The following KSR2 variants were observed in gnomAD, a reference collection of about 807,000 sequenced individuals.
KSR2 encodes kinase suppressor of ras 2.
KSR2 carries 25 observed loss-of-function variants against 107.8 expected under a neutral mutation model. That is an observed-to-expected ratio of 0.23 (90% CI 0.17 to 0.32). The LOEUF is 0.32. Among genes scored for constraint, KSR2 ranks in the 10% least tolerant of loss-of-function variants. The probability of loss-of-function intolerance (pLI) is 1.00; values close to 1 mark genes in which losing one functional copy is unlikely to be tolerated. For missense variants in KSR2, 887 were observed against 1,268.9 expected (o/e 0.70, Z 4.57); for synonymous variants, 480 against 507.0 (o/e 0.95, Z 0.71).
intron 7 of KSR2, 27 bp downstream of exon 7, chr12:117,579,092 A>C: frequency 6.3e-7 from 1 of 1,578,686 alleles, no homozygotes; most frequent in Non-Finnish European, 8.7e-7. Flanking sequence ...GTGCTGCGAA[A>C]AGTCACTGCA....
At chr12:117,942,432 C>A (rs981899550) in intron 1 of KSR2, among the ~76,000 whole-genome samples, 1 of 152,080 alleles carries the variant, frequency 6.6e-6, no homozygotes, top group Non-Finnish European at 1.5e-5. Flanking sequence ...CTCACTATCT[C>A]CATAAGATGA....
At chr12:117,944,478 G>A (rs190613076) in intron 1 of KSR2, among the ~76,000 whole-genome samples, 186 of 152,188 alleles carry the variant, frequency 1.2e-3, no homozygotes, top group African/African-American at 4.3e-3. Context: ...TATATGTGAC[G>A]TCCAGAAAAT....
chr12:117,940,113 T>C (rs973507747), intron 1 of KSR2, among the ~76,000 whole-genome samples: 38 of 152,212 alleles, frequency 2.5e-4, no homozygotes, highest in African/African-American at 8.9e-4. Context: ...GGCTCGGTCA[T>C]ATTCCCTTAA....
intron 7 of KSR2, among the ~76,000 whole-genome samples, chr12:117,574,330 A>G (rs1333157989): frequency 1.3e-5 from 2 of 152,192 alleles, no homozygotes; most frequent in Non-Finnish European, 2.9e-5. Flanking sequence ...TCAAACTTTA[A>G]TGTGCAAAAG....
chr12:117,566,108 A>C (rs922085677), intron 7 of KSR2, among the ~76,000 whole-genome samples: 1 of 147,906 alleles, frequency 6.8e-6, no homozygotes, highest in Non-Finnish European at 1.5e-5. Flanking sequence ...TTTTTTTTGC[A>C]ACCTCTCCCT....
At chr12:117,615,265 C>A in intron 5 of KSR2, among the ~76,000 whole-genome samples, 1 of 149,688 alleles carries the variant, frequency 6.7e-6, no homozygotes, top group Non-Finnish European at 1.5e-5. Context: ...ACATCAGATT[C>A]CTCTTTTGTC....
intron 4 of KSR2, among the ~76,000 whole-genome samples, chr12:117,742,896 C>T (rs1467581294): frequency 6.6e-6 from 1 of 152,226 alleles, no homozygotes. Flanking sequence ...ATCCACATAT[C>T]ATTGAGTCAC....
chr12:117,753,120 T>G (rs149925434), intron 4 of KSR2, among the ~76,000 whole-genome samples: 4 of 152,388 alleles, frequency 2.6e-5, no homozygotes, highest in African/African-American at 9.6e-5. Flanking sequence ...TAACTCTCCA[T>G]GCCTATGGCT....
chr12:117,884,524 A>T (rs1894117262), intron 1 of KSR2, among the ~76,000 whole-genome samples: 1 of 152,190 alleles, frequency 6.6e-6, no homozygotes, highest in East Asian at 1.9e-4. Flanking sequence ...AGCATCTTGG[A>T]ATCCTGATGA....
chr12:117,853,212 C>CT (rs1269393222), intron 3 of KSR2, among the ~76,000 whole-genome samples: 7 of 152,100 alleles, frequency 4.6e-5, no homozygotes, highest in Non-Finnish European at 7.3e-5. Flanking sequence ...AGCAGCGTTG[C>CT]TTATGATAGG....
At chr12:117,470,826 TA>T (rs1871405570) in intron 18 of KSR2, among the ~76,000 whole-genome samples, 1 of 152,238 alleles carries the variant, frequency 6.6e-6, no homozygotes, top group South Asian at 2.1e-4. Context: ...GATAATGCCT[TA>T]AAATTATTAT....
At chr12:117,914,422 G>A (rs1895115481) in intron 1 of KSR2, among the ~76,000 whole-genome samples, 2 of 114,026 alleles carry the variant, frequency 1.8e-5, no homozygotes, top group South Asian at 6.7e-4. Context: ...GAGTGAGACT[G>A]TCTCAAAAAA....
chr12:117,931,184 T>C (rs192720559), intron 1 of KSR2, among the ~76,000 whole-genome samples: 45 of 152,188 alleles, frequency 3.0e-4, no homozygotes, highest in African/African-American at 1.1e-3. Flanking sequence ...TGAAAAATAT[T>C]TTCATTTTAA....
intron 4 of KSR2, among the ~76,000 whole-genome samples, chr12:117,750,633 G>T (rs1276310301): frequency 2.6e-5 from 4 of 152,072 alleles, no homozygotes; most frequent in Admixed American, 6.5e-5. Context: ...CAGTTGTTTG[G>T]TTTTCAGCCT....
At chr12:117,850,589 C>T (rs150760702) in intron 3 of KSR2, among the ~76,000 whole-genome samples, 2 of 152,226 alleles carry the variant, frequency 1.3e-5, no homozygotes, top group African/African-American at 4.8e-5. Context: ...TCAAGGATTG[C>T]TTGAGCTCAG....
chr12:117,457,701 C>A lies in KSR2; in HGVS notation c.*9498G>T, dbSNP rs1211770131. 1 of 152,184 alleles carries A rather than the reference C, an allele frequency of 6.6e-6. No individual in the cohort carries two copies. Among genetic ancestry groups the A allele is most frequent in the Non-Finnish European group, 1.5e-5 (1 of 68,060 alleles). 9.4% of individuals were successfully genotyped at this position (152,184 alleles called of 1,614,324 possible). A position where few individuals can be genotyped will look rare whatever the true frequency, so the allele number is the denominator to read the frequency against. On this transcript the variant is annotated 3_prime_UTR_variant, in exon 20 of 20. Coordinates refer to ENST00000339824, the MANE Select transcript of KSR2 (RefSeq NM_173598.6). ...GTCTGGGGATGTTTTTGGATGTCACCAGTACCAGGTGCTACTGGTATCTTG... is the reference window on the plus strand; with the variant it reads ...GTCTGGGGATGTTTTTGGATGTCACAAGTACCAGGTGCTACTGGTATCTTG...
chr12:117,678,323 C>T (rs934946631), intron 4 of KSR2, among the ~76,000 whole-genome samples: 1 of 152,086 alleles, frequency 6.6e-6, no homozygotes, highest in Non-Finnish European at 1.5e-5. Context: ...CTCCATCCCA[C>T]TCTGGTGCCA....
intron 1 of KSR2, among the ~76,000 whole-genome samples, chr12:117,899,122 C>G (rs940616582): frequency 2.0e-5 from 3 of 152,144 alleles, no homozygotes; most frequent in Non-Finnish European, 2.9e-5. Flanking sequence ...CTCTGCTTAT[C>G]CCAAAGTCAA....
chr12:117,708,488 T>G (rs943937311), intron 4 of KSR2, among the ~76,000 whole-genome samples: 1 of 152,200 alleles, frequency 6.6e-6, no homozygotes, highest in African/African-American at 2.4e-5. Flanking sequence ...GCCTCATCAC[T>G]TACTAATCGC....
Sources: gnomAD v4.1 joint callset for allele counts (sites outside exome capture counted in the v4.1 genomes callset) on GRCh38, gnomAD v4.1.1 for gene constraint, MANE v1.5 for transcripts, NCBI Gene and HGNC (gene_info 2026-07-23, HGNC 2026-07-21) for gene names.